DOT1L: variants seen among roughly 807,000 people sequenced by gnomAD.
The protein encoded by DOT1L is DOT1 like histone lysine methyltransferase.
DOT1L carries 33 observed loss-of-function variants against 153.3 expected under a neutral mutation model. The ratio of observed to expected loss-of-function variants is 0.22; its 90% CI spans 0.16 to 0.29. The LOEUF is 0.29. Ranked by LOEUF, DOT1L falls within the 10% of genes least tolerant of loss-of-function variation. DOT1L has a pLI of 1.00. For synonymous variants in DOT1L, 1,135 were observed against 965.1 expected (o/e 1.18, Z -3.26); for missense variants, 1,847 against 2,119.9 (o/e 0.87, Z 2.53).
chr19:2,183,630 CT>C (rs34433988), intron 2 of DOT1L, among the ~76,000 whole-genome samples: 25,723 of 143,682 alleles, frequency 0.18, 2,657 homozygotes, highest in South Asian at 0.24. Context: ...TGCTTCAGTG[CT>C]TTTTTTTTTT....
intron 1 of DOT1L, among the ~76,000 whole-genome samples, chr19:2,178,266 A>T (rs1599541071): frequency 7.6e-6 from 1 of 131,476 alleles, no homozygotes; most frequent in African/African-American, 2.9e-5. Flanking sequence ...TTTTGTAGAG[A>T]TGGCGTTTCA....
intron 1 of DOT1L, among the ~76,000 whole-genome samples, chr19:2,173,170 C>T (rs1599532353): frequency 6.6e-6 from 1 of 152,094 alleles, no homozygotes; most frequent in African/African-American, 2.4e-5. Context: ...TGGAGGCCCA[C>T]GAGTCCCGCG....
rs748637415 is a variant in DOT1L, at chr19:2,226,859, GGCGGCGTCCTCCGCAGGCGGC to G, written c.4353_4373del (p.Gly1452_Ala1458del). ...TCCTCAGCGGCCCCGGCCTGGCCCC[GGCGGCGTCCTCCGCAGGCGGC>G]GCGGCGTCCTCCGCCCAGACGCACC... On this transcript the variant is annotated inframe_deletion, in exon 27 of 28. Transcript: ENST00000398665. The G allele has an allele frequency of 6.8e-4, 1,067 of 1,577,856 alleles. 2 individuals carry two copies. The highest frequency in any genetic ancestry group is 1.5e-3 in the Middle Eastern group (9 of 5,914).
chr19:2,177,768 C>T (rs2022019957), intron 1 of DOT1L, among the ~76,000 whole-genome samples: 1 of 146,666 alleles, frequency 6.8e-6, no homozygotes, highest in Non-Finnish European at 1.5e-5. Context: ...TTTCTTTTTC[C>T]TTTTTTTTTT....
At chr19:2,189,514 C>T (rs931762478) in intron 3 of DOT1L, among the ~76,000 whole-genome samples, 5 of 152,216 alleles carry the variant, frequency 3.3e-5, no homozygotes, top group Admixed American at 6.5e-5. Flanking sequence ...TTCCCTGCAC[C>T]GGACTCTCGG....
Position 2,217,321 on chromosome 19 carries a change from G to A in DOT1L, c.2544+231G>A, listed in dbSNP as rs1421633465. On this transcript the variant is annotated intron_variant, in intron 21 of 27. Transcript: ENST00000398665. The surrounding 1 kb of genome is among the most constrained non-coding windows in gnomAD (Gnocchi z 7.3). ...TGGGGTTTGTCAGGGTGTCCCTGAT[G>A]CCTCTTAGTTCTCAGTGACGGACGG... is the stretch of plus-strand genomic sequence containing the variant. 1.3e-5 allele frequency among the ~76,000 whole-genome samples: 2 copies of A among 152,182 alleles called. No homozygotes were observed. The highest frequency in any genetic ancestry group is 1.9e-4 in the East Asian group (1 of 5,186).
At position 2,216,445 on chromosome 19, in the gene DOT1L, C is replaced by T. The variant is rs908769571; in HGVS notation, c.2088C>T (p.Cys696=). The change falls in exon 20 of 28, where the codon TGC becomes TGT. Residue 696 remains cysteine (C), a synonymous_variant. Transcript: ENST00000398665. Reference sequence around the variant, plus strand: ...GCCGGCTGCACCTGGAGCTGGACTGCACCAAGTTCTCGCTGCCTCACTTGA... The same window carrying T: ...GCCGGCTGCACCTGGAGCTGGACTGTACCAAGTTCTCGCTGCCTCACTTGA... ...DASRLHLELD[C]TKFSLPHLSS... 1 of 1,612,574 alleles carries T rather than the reference C, an allele frequency of 6.2e-7. No individual in the cohort carries two copies.
Position 2,220,254 on chromosome 19 carries a change from C to T in DOT1L, c.2806+32C>T. On this transcript the variant is annotated intron_variant, in intron 23 of 27. Transcript: ENST00000398665. The surrounding 1 kb of genome is among the most constrained non-coding windows in gnomAD (Gnocchi z 4.5). ...CCCCTCCTGTGCCCTACCCTCAGGA[C>T]TCTGCTGCTGCTGCTGCTCTTCAGG... 2 of 1,580,450 alleles carry T rather than the reference C, an allele frequency of 1.3e-6. No homozygotes were observed. Among genetic ancestry groups the T allele is most frequent in the South Asian group, 1.1e-5 (1 of 88,848 alleles).
At position 2,222,844 on chromosome 19, in the gene DOT1L, C is replaced by T; in HGVS notation, c.3390+285C>T. ...GCTTGCAGTGAACTGAGATCGGCCA[C>T]TGCCTGGGCCACAGAGCGAGACTCC... On this transcript the variant is annotated intron_variant, in intron 24 of 27. Transcript: ENST00000398665. This position sits in a 1 kb window ranked among gnomAD's most constrained non-coding sequence, Gnocchi z 6.5. The T allele has an allele frequency of 2.3e-6, 1 of 432,488 alleles. No homozygotes were observed. The highest frequency in any genetic ancestry group is 4.1e-6 in the Non-Finnish European group (1 of 244,988). The allele number at this position is 432,488 out of a possible 1,614,324, so 26.8% of individuals were successfully genotyped here.
At chr19:2,211,049 A>C (rs757932037) in intron 14 of DOT1L, 50 bp from the exon 15 acceptor site, 1 of 1,566,578 alleles carries the variant, frequency 6.4e-7, no homozygotes, top group Non-Finnish European at 8.7e-7. Context: ...GCCTCTGCCC[A>C]CCGCTCTCCC....
At chr19:2,175,004 ATTT>A (rs201460295) in intron 1 of DOT1L, among the ~76,000 whole-genome samples, 39,453 of 106,858 alleles carry the variant, frequency 0.37, 6,860 homozygotes, top group Non-Finnish European at 0.43. Context: ...GTATATATAT[ATTT>A]TTTTTTTTTT....
At chr19:2,170,765 T>G (rs2108524) in intron 1 of DOT1L, among the ~76,000 whole-genome samples, 3 of 151,664 alleles carry the variant, frequency 2.0e-5, no homozygotes, top group Admixed American at 6.6e-5. Context: ...CTTAGGTCCT[T>G]TGGTTAATGA....
Position 2,216,657 on chromosome 19 carries a change from C to T in DOT1L, c.2300C>T (p.Ala767Val), listed in dbSNP as rs764898946. 109 of 1,604,658 alleles carry T rather than the reference C, an allele frequency of 6.8e-5. No individual in the cohort carries two copies. Among genetic ancestry groups the T allele is most frequent in the Non-Finnish European group, 9.2e-5 (108 of 1,179,912 alleles). Residue 767 changes from alanine to valine, a missense_variant, in exon 20 of 28, where the codon GCC (alanine) becomes GTC (valine). By Grantham distance (64) the Ala-to-Val change is moderately conservative. Transcript: ENST00000398665. The stretch of plus-strand genomic sequence containing the variant: ...CGCCTGGAGAAGCTGTCTGGCCTAG[C>T]CGCACCCGACTACACTAGGCTGTCC... ...RPRLEKLSGL[A>V]APDYTRLSPA...
At chr19:2,185,808 CAAA>C in intron 2 of DOT1L, 44 bp from the exon 3 acceptor site, 1 of 1,593,854 alleles carries the variant, frequency 6.3e-7, no homozygotes, top group Non-Finnish European at 8.6e-7. Flanking sequence ...CAAAACAAAA[CAAA>C]AAAAACCAAA....
intron 12 of DOT1L, 29 bp downstream of exon 12, chr19:2,209,005 T>C (rs2023608996): frequency 6.2e-7 from 1 of 1,609,986 alleles, no homozygotes; most frequent in South Asian, 1.1e-5. Context: ...TCTCTTGGGT[T>C]AATAACACGC....
rs771887061 is a variant in DOT1L, at chr19:2,226,888, C to A, written c.4367C>A (p.Ser1456Tyr). Residue 1456 changes from serine to tyrosine, a missense_variant, in exon 27 of 28, where the codon TCC (serine) becomes TAC (tyrosine). Physicochemically the swap from Ser to Tyr is moderately radical, Grantham distance 144. This residue lies in a region of DOT1L where 934 missense variants were observed against 825.3 expected (regional missense o/e 1.13). Transcript: ENST00000398665. ...PAASSAGGAASSAQTHRSFLG... is the reference protein window; with the variant it reads ...PAASSAGGAAYSAQTHRSFLG... ...GCGTCCTCCGCAGGCGGCGCGGCGT[C>A]CTCCGCCCAGACGCACCGGTCCTTC... 1 of 1,577,106 alleles carries A rather than the reference C, an allele frequency of 6.3e-7. No individual in the cohort carries two copies. The highest frequency in any genetic ancestry group is 1.7e-4 in the Middle Eastern group (1 of 5,786).
intron 27 of DOT1L, chr19:2,229,357 C>T (rs2024502610): frequency 1.0e-6 from 1 of 985,314 alleles, no homozygotes; most frequent in African/African-American, 1.7e-5. Context: ...ACAGGCCTTC[C>T]TGGGCGAGTC....
rs78975298 is a variant in DOT1L at position 2,231,869 on chromosome 19, C to T, written c.*2077C>T. ...CAGGGCTCCTGCCCACGCAGGCCAC[C>T]GTATGTTCAGGACACGCACTGGGTC... On this transcript the variant is annotated 3_prime_UTR_variant, in exon 28 of 28. Transcript: ENST00000398665. 5.0e-3 allele frequency: 1,112 copies of T among 220,212 alleles called. 11 individuals carry two copies. The highest frequency in any genetic ancestry group is 0.022 in the African/African-American group (1,001 of 44,660). The allele number at this position is 220,212 out of a possible 1,614,324, so 13.6% of individuals were successfully genotyped here. A position where few individuals can be genotyped will look rare whatever the true frequency, so the allele number is the denominator to read the frequency against.
In DOT1L at chr19:2,164,141, C is replaced by T; in HGVS notation, c.-44C>T. The T allele has an allele frequency of 8.7e-7, 1 of 1,150,648 alleles. No homozygotes were observed. The highest frequency in any genetic ancestry group is 1.1e-6 in the Non-Finnish European group (1 of 931,382). 71.3% of individuals were successfully genotyped at this position (1,150,648 alleles called of 1,614,324 possible). A position where few individuals can be genotyped will look rare whatever the true frequency, so the allele number is the denominator to read the frequency against. ...CGCCCACCGGCGGCCCCGCCCCTCC[C>T]CCAACCGCCCGCCTAGCATGGTGCG... On this transcript the variant is annotated 5_prime_UTR_variant, in exon 1 of 28. Coordinates refer to ENST00000398665, the MANE Select transcript of DOT1L (RefSeq NM_032482.3).
Sources: allele counts gnomAD v4.1 joint callset (sites outside exome capture counted in the v4.1 genomes callset), GRCh38; gene constraint gnomAD v4.1.1; regional missense constraint gnomAD v4.1.1; non-coding constraint Gnocchi (gnomAD v3.1); transcripts MANE v1.5; gene names NCBI Gene and HGNC (gene_info 2026-07-23, HGNC 2026-07-21).